SEMA6A: variants seen among roughly 807,000 people sequenced by gnomAD.
SEMA6A encodes the protein semaphorin 6A.
Under a neutral mutation model 96.8 loss-of-function variants are expected in SEMA6A, and 25 were observed. The ratio of observed to expected loss-of-function variants is 0.26; its 90% CI spans 0.19 to 0.36. The LOEUF (loss-of-function observed/expected upper bound fraction) is 0.36. Among genes scored for constraint, SEMA6A ranks in the 10% least tolerant of loss-of-function variants. The pLI is 1.00. For missense variants in SEMA6A, 1,363 were observed against 1,323.1 expected (o/e 1.03, Z -0.47); for synonymous variants, 612 against 518.0 (o/e 1.18, Z -2.46).
At chr5:116,478,927 AGAGT>A (rs1554084161) in intron 12 of SEMA6A, among the ~76,000 whole-genome samples, 36 of 90,200 alleles carry the variant, frequency 4.0e-4, no homozygotes, top group East Asian at 2.3e-3. Flanking sequence ...GAGGTGTGAG[AGAGT>A]GTGTGTGTGT....
intron 1 of SEMA6A, among the ~76,000 whole-genome samples, chr5:116,561,418 G>T (rs1760815217): frequency 6.6e-6 from 1 of 152,076 alleles, no homozygotes; most frequent in African/African-American, 2.4e-5. Context: ...TCCCCAACAA[G>T]GTGCCACCCA....
At chr5:116,478,249 C>T (rs1756565408) in intron 13 of SEMA6A, 95 bp from the exon 14 acceptor site, 1 of 1,409,176 alleles carries the variant, frequency 7.1e-7, no homozygotes, top group East Asian at 2.5e-5. Flanking sequence ...AAGGCAATCT[C>T]TTAATCTAAC....
intron 5 of SEMA6A, 65 bp downstream of exon 5, chr5:116,496,186 G>T: frequency 1.5e-6 from 2 of 1,318,672 alleles, no homozygotes; most frequent in South Asian, 2.4e-5. Flanking sequence ...ACGGTCTATG[G>T]CTGGAGATAA....
At chr5:116,536,253 GA>G (rs1759701467) in intron 1 of SEMA6A, 2 of 151,766 alleles carry the variant, frequency 1.3e-5, no homozygotes, top group African/African-American at 4.8e-5. Context: ...AGAGTGATTG[GA>G]ATTTAATTTT....
At chr5:116,523,529 C>T (rs895025439) in intron 1 of SEMA6A, among the ~76,000 whole-genome samples, 11 of 152,106 alleles carry the variant, frequency 7.2e-5, no homozygotes, top group South Asian at 4.2e-4. Context: ...CGAGGCCGGT[C>T]TCGAACTCCT....
At chr5:116,516,191 CATA>C (rs1758659580) in intron 1 of SEMA6A, among the ~76,000 whole-genome samples, 1 of 152,122 alleles carries the variant, frequency 6.6e-6, no homozygotes, top group Admixed American at 6.6e-5. Context: ...CAAAAAGAGG[CATA>C]ATATCATTTC....
intron 3 of SEMA6A, among the ~76,000 whole-genome samples, chr5:116,500,776 G>A (rs1261928949): frequency 6.6e-6 from 1 of 152,098 alleles, no homozygotes; most frequent in African/African-American, 2.4e-5. Context: ...AGGTCGAGGC[G>A]GGTGGACCAC....
At chr5:116,548,214 G>A (rs1760265666) in intron 1 of SEMA6A, among the ~76,000 whole-genome samples, 1 of 152,140 alleles carries the variant, frequency 6.6e-6, no homozygotes, top group East Asian at 1.9e-4. Context: ...TTGATTTATG[G>A]ACCTTAGTTC....
chr5:116,499,542 G>A (rs917369313), intron 3 of SEMA6A, among the ~76,000 whole-genome samples: 4 of 152,126 alleles, frequency 2.6e-5, no homozygotes, highest in Non-Finnish European at 5.9e-5. Context: ...AGTTGGAAGT[G>A]TAAAAATAAA....
chr5:116,448,877 T>C (rs1754450562), intron 18 of SEMA6A, among the ~76,000 whole-genome samples: 1 of 151,916 alleles, frequency 6.6e-6, no homozygotes, highest in African/African-American at 2.4e-5. Context: ...TGGGGCCCTG[T>C]AGTGGGTTTG....
intron 1 of SEMA6A, among the ~76,000 whole-genome samples, chr5:116,517,989 G>A (rs1161643153): frequency 6.6e-6 from 1 of 152,226 alleles, no homozygotes; most frequent in Non-Finnish European, 1.5e-5. Context: ...CCTGGCATCA[G>A]AAGCAATTGT....
chr5:116,466,304 G>C (rs981321092), intron 18 of SEMA6A, among the ~76,000 whole-genome samples: 3 of 151,522 alleles, frequency 2.0e-5, no homozygotes, highest in African/African-American at 7.3e-5. Flanking sequence ...TCTTCAACTT[G>C]GGAGGCGGAG....
rs3832329 is a variant in SEMA6A at position 116,444,508 on chromosome 5, A to AAAC, written c.*2102_*2104dup. ...AGACCACCAAATATACTGTTTAAAA[A>AAAC]AACAACAACAACACTGCTCATGGTT... On this transcript the variant is annotated 3_prime_UTR_variant, in exon 19 of 19. Coordinates refer to ENST00000343348, the MANE Select transcript of SEMA6A (RefSeq NM_020796.5). The AAAC allele has an allele frequency of 0.045, 6,796 of 152,694 alleles. 177 individuals carry two copies. Among genetic ancestry groups the AAAC allele is most frequent in the South Asian group, 0.076 (368 of 4,822 alleles). The allele number at this position is 152,694 out of a possible 1,614,324, so 9.5% of individuals were successfully genotyped here. A position where few individuals can be genotyped will look rare whatever the true frequency, so the allele number is the denominator to read the frequency against.
At chr5:116,507,507 C>G (rs1279867453) in intron 1 of SEMA6A, among the ~76,000 whole-genome samples, 1 of 152,164 alleles carries the variant, frequency 6.6e-6, no homozygotes, top group Non-Finnish European at 1.5e-5. Context: ...AGAACAAAAA[C>G]CAGAACTTAA....
chr5:116,507,867 C>A (rs945154466), intron 1 of SEMA6A, among the ~76,000 whole-genome samples: 1 of 152,174 alleles, frequency 6.6e-6, no homozygotes. Context: ...ACCATTACTA[C>A]AAAGTTATAA....
intron 2 of SEMA6A, among the ~76,000 whole-genome samples, chr5:116,503,400 T>A (rs1282471581): frequency 1.3e-5 from 2 of 152,178 alleles, no homozygotes; most frequent in African/African-American, 4.8e-5. Flanking sequence ...TGCTTTGAAA[T>A]TTCATGTACC....
intron 1 of SEMA6A, among the ~76,000 whole-genome samples, chr5:116,515,458 A>T (rs976834457): frequency 1.3e-5 from 2 of 152,134 alleles, no homozygotes; most frequent in Admixed American, 6.5e-5. Flanking sequence ...TTTCTTTGTA[A>T]TTTTATTAAA....
In SEMA6A at chr5:116,446,780, G is replaced by T. The variant is rs201456634; in HGVS notation, c.2926C>A (p.Pro976Thr). Residue 976 changes from proline to threonine, a missense_variant, in exon 19 of 19, where the codon CCA becomes ACA. Transcript: ENST00000343348. ...GAGACAGTCACGGCCTGGCCAGATGGCTGGGAGCTGTGCACCTGGATGGAG... is the reference window on the plus strand; with the variant it reads ...GAGACAGTCACGGCCTGGCCAGATGTCTGGGAGCTGTGCACCTGGATGGAG... ...VDSIQVHSSQ[P>T]SGQAVTVSRQ... 3.3e-5 allele frequency: 53 copies of T among 1,612,036 alleles called. No homozygotes were observed. In the African/African-American group the frequency reaches 6.8e-4, roughly 21 times the overall value.
intron 1 of SEMA6A, among the ~76,000 whole-genome samples, chr5:116,529,844 G>A (rs1397419589): frequency 6.6e-6 from 1 of 152,096 alleles, no homozygotes; most frequent in Admixed American, 6.6e-5. Flanking sequence ...CTGCTTGAGG[G>A]CGGGTTGGGG....
Sources: gnomAD v4.1 joint callset for allele counts (sites outside exome capture counted in the v4.1 genomes callset) on GRCh38, gnomAD v4.1.1 for gene constraint, MANE v1.5 for transcripts, NCBI Gene and HGNC (gene_info 2026-07-23, HGNC 2026-07-21) for gene names.